Variants in TEX15 observed in about 807,000 individuals in gnomAD.
The protein encoded by TEX15 is testis expressed 15, meiosis and synapsis associated, also known as testis-expressed protein 15.
Under a neutral mutation model 237.3 loss-of-function variants are expected in TEX15, and 171 were observed. The observed-to-expected ratio is 0.72, with a 90% CI of 0.64 to 0.82. TEX15 has a LOEUF of 0.82. Among genes scored for constraint, TEX15 ranks in the 40% least tolerant of loss-of-function variants. The pLI is 0.00. For synonymous variants in TEX15, 1,338 were observed against 1,269.8 expected, an observed-to-expected ratio of 1.05 and a Z score of -1.14; for missense variants, 3,750 against 3,646.5, an observed-to-expected ratio of 1.03 and a Z score of -0.73.
rs1049448101 is a variant in TEX15, at chr8:30,845,754, A to G, written c.4413T>C (p.His1471=). The change falls in exon 8 of 11, where the codon CAT becomes CAC. Residue 1471 remains histidine, a synonymous_variant. Coordinates refer to ENST00000643185, the MANE Select transcript of TEX15 (RefSeq NM_001350162.2). ...PKADISKSLT[H]VSKHKSYKTS... ...TTTTATAAGACTTGTGCTTTGACAC[A>G]TGGGTTAATGATTTAGAAATATCAG... The G allele has an allele frequency of 1.9e-6, 3 of 1,613,478 alleles. No individual in the cohort carries two copies. Among genetic ancestry groups the G allele is most frequent in the Middle Eastern group, 1.6e-4 (1 of 6,084 alleles).
chr8:30,910,469 CAT>C (rs1338682459), intron 1 of TEX15, among the ~76,000 whole-genome samples: 1 of 152,046 alleles, frequency 6.6e-6, no homozygotes, highest in East Asian at 1.9e-4. Context: ...TTACAGAATT[CAT>C]AGAGTCTGAC....
Position 30,859,956 on chromosome 8 carries a change from T to C in TEX15, c.642A>G (p.Ala214=), listed in dbSNP as rs1224615919. The change falls in exon 6 of 11, where the codon GCA becomes GCG. Residue 214 remains alanine, a synonymous_variant. Transcript: ENST00000643185. ...GTTCAATGGTATCTTTCAAAGAAGG[T>C]GCATTTCTTGACATATGGCAATCAA... ...PNFDCHMSRN[A]PSLKDTIELQ... The C allele has an allele frequency of 1.3e-5, 19 of 1,513,526 alleles. No individual in the cohort carries two copies. The highest frequency in any genetic ancestry group is 2.8e-5 in the African/African-American group (2 of 71,532). The allele number at this position is 1,513,526 out of a possible 1,614,324, so 93.8% of individuals were successfully genotyped here.
intron 4 of TEX15, among the ~76,000 whole-genome samples, chr8:30,872,957 A>G (rs1808322727): frequency 6.6e-6 from 1 of 152,168 alleles, no homozygotes; most frequent in Non-Finnish European, 1.5e-5. Flanking sequence ...GCCTAAGTGT[A>G]CAGTGTTTAT....
intron 5 of TEX15, among the ~76,000 whole-genome samples, chr8:30,865,804 A>G (rs1808151525): frequency 6.6e-6 from 1 of 152,182 alleles, no homozygotes; most frequent in Admixed American, 6.5e-5. Flanking sequence ...TCAAAACAAT[A>G]AAACTCATAT....
Position 30,838,063 on chromosome 8 carries a change from T to C in TEX15, c.8223-2A>G. The C allele has an allele frequency of 6.3e-7, 1 of 1,598,580 alleles. No homozygotes were observed. The highest frequency in any genetic ancestry group is 2.2e-5 in the East Asian group (1 of 44,806). On this transcript the variant is annotated splice_acceptor_variant, in intron 9 of 10. Coordinates refer to ENST00000643185, the MANE Select transcript of TEX15 (RefSeq NM_001350162.2). LOFTEE classifies it high-confidence loss of function. The stretch of plus-strand genomic sequence containing the variant: ...CTTTTGGGATGAGATCCTGTAGTCC[T>C]ATTAGGTGCAACACATACATAAAAA...
Position 30,837,194 on chromosome 8 carries a change from AG to A in TEX15, c.9089del (p.Ser3030PhefsTer35). 16 of 1,614,162 alleles carry A rather than the reference AG, an allele frequency of 9.9e-6. No individual in the cohort carries two copies. Among genetic ancestry groups the A allele is most frequent in the African/African-American group, 1.3e-5 (1 of 75,048 alleles). ...ATGAAGTTCCAAATAAATGCTCAGA[AG>A]AATTATATGTTGGGTTACATGCAGA... ...PQSACNPTYN[S>X]SEHLFGTSYP... On this transcript the variant is annotated frameshift_variant, in exon 10 of 11. Coordinates refer to ENST00000643185, the MANE Select transcript of TEX15 (RefSeq NM_001350162.2). LOFTEE classifies it high-confidence loss of function.
chr8:30,895,675 GCTT>G (rs1808888808), intron 2 of TEX15, among the ~76,000 whole-genome samples: 1 of 76,970 alleles, frequency 1.3e-5, no homozygotes, highest in African/African-American at 1.0e-4. Flanking sequence ...TTAAACACAT[GCTT>G]TTTTTTTTTT....
intron 2 of TEX15, among the ~76,000 whole-genome samples, chr8:30,895,850 T>G (rs1808895447): frequency 6.6e-6 from 1 of 151,794 alleles, no homozygotes; most frequent in Admixed American, 6.6e-5. Flanking sequence ...CTGGCTAATT[T>G]TTTGTATTTT....
At chr8:30,885,509 T>C (rs1240608229) in intron 3 of TEX15, among the ~76,000 whole-genome samples, 2 of 152,220 alleles carry the variant, frequency 1.3e-5, no homozygotes, top group Admixed American at 6.5e-5. Flanking sequence ...CCTCTTTCTT[T>C]TGTAAATTGC....
chr8:30,879,053 C>G (rs1254186687), intron 3 of TEX15, among the ~76,000 whole-genome samples: 1 of 152,006 alleles, frequency 6.6e-6, no homozygotes, highest in African/African-American at 2.4e-5. Flanking sequence ...TTTTGATAAG[C>G]CCATTTGCCA....
rs1373403476 is a variant in TEX15, at chr8:30,846,941, G to T, written c.3226C>A (p.Gln1076Lys). The T allele has an allele frequency of 1.2e-6, 2 of 1,613,622 alleles. No homozygotes were observed. The highest frequency in any genetic ancestry group is 1.7e-5 in the Admixed American group (1 of 59,994). Residue 1076 changes from glutamine to lysine, a missense_variant, in exon 8 of 11, where the codon CAA becomes AAA. Physicochemically the swap from Gln to Lys is moderately conservative, Grantham distance 53. Transcript: ENST00000643185. ...ATGTTTTCATGGCTATGTGTATCTT[G>T]TTGAAATATAAAAGCATCATCACAA... ...EDCDDAFIFQ[Q>K]DTHSHENMLC...
At chr8:30,849,362 T>G (rs1030807496) in intron 7 of TEX15, 46 bp from the exon 8 acceptor site, 3 of 1,150,678 alleles carry the variant, frequency 2.6e-6, no homozygotes, top group Non-Finnish European at 3.6e-6. Context: ...AGTGTTTCTA[T>G]AGACAACTAT....
At chr8:30,851,491 CGTG>C (rs1807782522) in intron 7 of TEX15, among the ~76,000 whole-genome samples, 1 of 149,684 alleles carries the variant, frequency 6.7e-6, no homozygotes, top group Non-Finnish European at 1.5e-5. Flanking sequence ...ACTAGCCAGA[CGTG>C]GTGGTGTGTG....
intron 8 of TEX15, among the ~76,000 whole-genome samples, chr8:30,841,741 C>T (rs542941314): frequency 2.0e-5 from 3 of 152,110 alleles, no homozygotes; most frequent in African/African-American, 4.8e-5. Flanking sequence ...TTAAAATCCA[C>T]GTCCTTCCAA....
At chr8:30,867,985 G>A (rs1808209527) in intron 4 of TEX15, among the ~76,000 whole-genome samples, 1 of 151,966 alleles carries the variant, frequency 6.6e-6, no homozygotes, top group South Asian at 2.1e-4. Flanking sequence ...TTGTGTTATG[G>A]AGGGAAAAAC....
chr8:30,855,835 G>A (rs1807897668), intron 7 of TEX15, among the ~76,000 whole-genome samples: 1 of 152,118 alleles, frequency 6.6e-6, no homozygotes, highest in Admixed American at 6.6e-5. Context: ...GCGCAAAAAA[G>A]TCCAAAAACT....
chr8:30,848,719 A>T lies in TEX15; in HGVS notation c.1448T>A (p.Val483Asp), dbSNP rs192829184. 16 of 1,614,176 alleles carry T rather than the reference A, an allele frequency of 9.9e-6. No homozygotes were observed. Among genetic ancestry groups the T allele is most frequent in the Admixed American group, 5.0e-5 (3 of 60,020 alleles). Residue 483 changes from valine to aspartate, a missense_variant, in exon 8 of 11, where the codon GTC (valine) becomes GAC (aspartate). Transcript: ENST00000643185. ...AGTAAGAACAGCACAATCACCAGGG[A>T]CAACTTCTGAGGAGGAGGCAGAATT... ...PSNSASSSEVVPGDCAVLTNG... is the reference protein window; with the variant it reads ...PSNSASSSEVDPGDCAVLTNG...
At chr8:30,876,126 T>C (rs1288005189) in intron 3 of TEX15, among the ~76,000 whole-genome samples, 1 of 152,192 alleles carries the variant, frequency 6.6e-6, no homozygotes, top group African/African-American at 2.4e-5. Context: ...TGGTCAAATT[T>C]TTGACCACCA....
At chr8:30,858,527 G>T in intron 7 of TEX15, 141 bp downstream of exon 7, 1 of 640,454 alleles carries the variant, frequency 1.6e-6, no homozygotes, top group Non-Finnish European at 2.4e-6. Context: ...GGCCAGGTTG[G>T]CCTCAAGTAA....
Sources: gnomAD v4.1 joint callset for allele counts (sites outside exome capture counted in the v4.1 genomes callset) on GRCh38, gnomAD v4.1.1 for gene constraint, MANE v1.5 for transcripts, NCBI Gene and HGNC (gene_info 2026-07-23, HGNC 2026-07-21) for gene names.